Variants in CSMD1 observed in about 807,000 individuals in gnomAD.
CSMD1 encodes CUB and Sushi multiple domains 1.
A neutral mutation model predicts 417.5 loss-of-function variants in CSMD1; 213 were observed. The ratio of observed to expected loss-of-function variants is 0.51; its 90% CI spans 0.46 to 0.57. The LOEUF (loss-of-function observed/expected upper bound fraction) is 0.57. Ranked by LOEUF, CSMD1 falls within the 20% of genes least tolerant of loss-of-function variation. The pLI is 0.00. For missense variants in CSMD1, 6,923 were observed against 4,529.7 expected, an observed-to-expected ratio of 1.53 and a Z score of -15.17; for synonymous variants, 2,862 against 1,736.8, an observed-to-expected ratio of 1.65 and a Z score of -16.11.
At chr8:4,832,749 G>T (rs1186844218) in intron 1 of CSMD1, among the ~76,000 whole-genome samples, 1 of 152,122 alleles carries the variant, frequency 6.6e-6, no homozygotes, top group Non-Finnish European at 1.5e-5. Context: ...AGAGATTACT[G>T]ATTGGATCAA....
chr8:4,535,190 A>C (rs1254619971), intron 2 of CSMD1, among the ~76,000 whole-genome samples: 1 of 152,258 alleles, frequency 6.6e-6, no homozygotes, highest in African/African-American at 2.4e-5. Flanking sequence ...AGGTATATAA[A>C]GAACTGCTTG....
intron 40 of CSMD1, among the ~76,000 whole-genome samples, chr8:3,148,179 C>A (rs1818964261): frequency 6.6e-6 from 1 of 152,180 alleles, no homozygotes; most frequent in Non-Finnish European, 1.5e-5. Context: ...GGGGAGAAAT[C>A]ATAATTACAA....
Position 3,678,732 on chromosome 8 carries a change from T to C in CSMD1, c.1009+29682A>G, listed in dbSNP as rs1382362096. ...AGAAGAGCAACTCCAAGACACATAA[T>C]TGTCAGATTCACCAAAGCTGAAATG... On this transcript the variant is annotated intron_variant, in intron 7 of 69. Transcript: ENST00000635120. Among the ~76,000 whole-genome samples the C allele has an allele frequency of 3.9e-5, 6 of 152,090 alleles. No homozygotes were observed. The South Asian group carries it at 1.3e-3, about 32-fold the overall frequency.
At chr8:4,596,453 C>A (rs7014400) in intron 2 of CSMD1, among the ~76,000 whole-genome samples, 61,378 of 151,902 alleles carry the variant, frequency 0.4, 12,884 homozygotes, top group African/African-American at 0.51. Context: ...GATCATTATG[C>A]AAATAATTTT....
At chr8:4,382,328 C>G (rs1803155349) in intron 3 of CSMD1, among the ~76,000 whole-genome samples, 1 of 152,220 alleles carries the variant, frequency 6.6e-6, no homozygotes, top group South Asian at 2.1e-4. Context: ...TGTGCACTTT[C>G]TCACCAGTGC....
At chr8:4,078,896 A>AATATATATATATATATAT (rs1173719388) in intron 3 of CSMD1, among the ~76,000 whole-genome samples, 1 of 43,550 alleles carries the variant, frequency 2.3e-5, no homozygotes, top group Non-Finnish European at 4.7e-5. Flanking sequence ...AATAATAATA[A>AATATATATATATATATAT]ATATATATAT....
intron 1 of CSMD1, among the ~76,000 whole-genome samples, chr8:4,741,475 A>G (rs1237843662): frequency 3.3e-5 from 5 of 152,202 alleles, no homozygotes; most frequent in African/African-American, 1.2e-4. Context: ...GTCTTTCATA[A>G]ACATACACAA....
chr8:3,332,520 T>C (rs747817828), intron 23 of CSMD1, among the ~76,000 whole-genome samples: 1 of 152,240 alleles, frequency 6.6e-6, no homozygotes, highest in Admixed American at 6.5e-5. Context: ...CCATTCAGAA[T>C]GTCACCGCTG....
rs140790946 is a variant in CSMD1 at position 3,634,121 on chromosome 8, C to G, written c.1010-17324G>C. ...TGCCCGTTAGAAGTTTGGTTCTTGA[C>G]CTGATGCTGGGAAGTAGCCTCTAAA... On this transcript the variant is annotated intron_variant, in intron 7 of 69. Coordinates refer to ENST00000635120, the MANE Select transcript of CSMD1 (RefSeq NM_033225.6). Among the ~76,000 whole-genome samples the G allele has an allele frequency of 1.4e-3, 212 of 152,220 alleles. 2 individuals carry two copies. The highest frequency in any genetic ancestry group is 5.0e-3 in the African/African-American group (209 of 41,544).
At chr8:4,193,877 C>G (rs748233494) in intron 3 of CSMD1, among the ~76,000 whole-genome samples, 4 of 151,974 alleles carry the variant, frequency 2.6e-5, no homozygotes, top group Admixed American at 1.3e-4. Flanking sequence ...GAAGCCTCAG[C>G]AGAACTGGCC....
rs191544301 is a variant in CSMD1, at chr8:4,937,781, C to T, written c.85+56551G>A. On this transcript the variant is annotated intron_variant, in intron 1 of 69. Transcript: ENST00000635120. ...GAGAGAAGTTTCTCACACAGTGGCG[C>T]GTGCACACACACACACACACACACA... Among the ~76,000 whole-genome samples, 1,246 of 143,532 alleles carry T rather than the reference C, an allele frequency of 8.7e-3. 8 individuals are homozygous for T. Among genetic ancestry groups the T allele is most frequent in the Non-Finnish European group, 0.012 (747 of 64,792 alleles). The allele number at this position is 143,532 out of a possible 152,430, so 94.2% of individuals were successfully genotyped here.
chr8:4,718,872 G>A (rs1238286439), intron 1 of CSMD1, among the ~76,000 whole-genome samples: 2 of 151,898 alleles, frequency 1.3e-5, no homozygotes, highest in African/African-American at 4.8e-5. Flanking sequence ...AAATGTAAAT[G>A]AATGAAAATA....
chr8:3,959,862 G>T (rs969720931), intron 5 of CSMD1, among the ~76,000 whole-genome samples: 1 of 152,210 alleles, frequency 6.6e-6, no homozygotes, highest in East Asian at 1.9e-4. Context: ...TATATTGTGA[G>T]GTATATAACG....
chr8:4,955,210 T>C (rs997991503), intron 1 of CSMD1, among the ~76,000 whole-genome samples: 4 of 152,178 alleles, frequency 2.6e-5, no homozygotes, highest in African/African-American at 7.2e-5. Flanking sequence ...CCCATTCGTG[T>C]GCACAGAAGT....
chr8:3,780,875 C>T (rs535489681), intron 5 of CSMD1, among the ~76,000 whole-genome samples: 14 of 152,268 alleles, frequency 9.2e-5, no homozygotes, highest in African/African-American at 3.4e-4. Flanking sequence ...TTGAGATTTG[C>T]AGAGTGTGGA....
At chr8:3,415,428 G>A (rs531294342) in intron 12 of CSMD1, among the ~76,000 whole-genome samples, 2 of 152,334 alleles carry the variant, frequency 1.3e-5, no homozygotes, top group Admixed American at 6.5e-5. Context: ...CACGATCTCA[G>A]CTCACTGTAA....
chr8:4,601,174 C>T (rs1445037687), intron 2 of CSMD1, among the ~76,000 whole-genome samples: 3 of 152,070 alleles, frequency 2.0e-5, no homozygotes, highest in South Asian at 4.1e-4. Flanking sequence ...AGGCTGGTCT[C>T]GAACTCCTAA....
At chr8:3,926,237 T>C (rs1179318875) in intron 5 of CSMD1, among the ~76,000 whole-genome samples, 1 of 152,196 alleles carries the variant, frequency 6.6e-6, no homozygotes, top group Admixed American at 6.6e-5. Context: ...TCCTCTTTTA[T>C]GTGTTAATGG....
intron 10 of CSMD1, among the ~76,000 whole-genome samples, chr8:3,542,299 G>A (rs1361128876): frequency 6.6e-6 from 1 of 151,834 alleles, no homozygotes; most frequent in African/African-American, 2.4e-5. Flanking sequence ...CATTCAGATG[G>A]TTCATTCAGA....
Sources: gnomAD v4.1 joint callset for allele counts (sites outside exome capture counted in the v4.1 genomes callset) on GRCh38, gnomAD v4.1.1 for gene constraint, MANE v1.5 for transcripts, NCBI Gene and HGNC (gene_info 2026-07-23, HGNC 2026-07-21) for gene names.